Variants in ZNF611 observed in about 807,000 individuals in gnomAD.
The protein encoded by ZNF611 is zinc finger protein 611.
A neutral mutation model predicts 8.9 loss-of-function variants in ZNF611; 6 were observed. That is an observed-to-expected ratio of 0.68 (90% CI 0.37 to 1.34). The LOEUF (loss-of-function observed/expected upper bound fraction) is 1.34. Ranked by LOEUF, ZNF611 falls within the 40% of genes most tolerant of loss-of-function variation. The probability of loss-of-function intolerance (pLI) is 0.02; values close to 1 mark genes in which losing one functional copy is unlikely to be tolerated. For synonymous variants in ZNF611, 262 were observed against 279.7 expected (o/e 0.94, Z 0.63); for missense variants, 874 against 841.3 (o/e 1.04, Z -0.48).
chr19:52,711,832 G>A (rs959532177), intron 5 of ZNF611, among the ~76,000 whole-genome samples: 3 of 152,050 alleles, frequency 2.0e-5, no homozygotes, highest in Admixed American at 2.0e-4. Context: ...TCAATAGGCT[G>A]GTATTTGCAT....
At chr19:52,716,692 A>G (rs2062319619) in intron 3 of ZNF611, among the ~76,000 whole-genome samples, 1 of 152,202 alleles carries the variant, frequency 6.6e-6, no homozygotes, top group African/African-American at 2.4e-5. Context: ...CTCCCCTTCT[A>G]TTCAAAGTCA....
Position 52,703,038 on chromosome 19 carries a change from A to C in ZNF611, c.*1899T>G, listed in dbSNP as rs1042896584. On this transcript the variant is annotated 3_prime_UTR_variant, in exon 6 of 6. Coordinates refer to ENST00000652185, the MANE Select transcript of ZNF611 (RefSeq NM_001161499.2). ...GAATTCTGGGGTCAACCGGAAAATA[A>C]CTGGAAAATATACAAGTACAGAAAC... 2.7e-5 allele frequency: 4 copies of C among 149,250 alleles called. No individual in the cohort carries two copies. The highest frequency in any genetic ancestry group is 1.0e-4 in the African/African-American group (4 of 40,130). The allele number at this position is 149,250 out of a possible 1,614,324, so 9.2% of individuals were successfully genotyped here.
intron 1 of ZNF611, among the ~76,000 whole-genome samples, chr19:52,733,932 T>C (rs1433837681): frequency 7.0e-6 from 1 of 142,910 alleles, no homozygotes; most frequent in Non-Finnish European, 1.5e-5. Context: ...TTCCCCGATA[T>C]ACTCCCTTGT....
At chr19:52,717,292 C>T (rs2062323802) in intron 3 of ZNF611, among the ~76,000 whole-genome samples, 1 of 152,134 alleles carries the variant, frequency 6.6e-6, no homozygotes, top group Non-Finnish European at 1.5e-5. Context: ...TCTGGTTTTA[C>T]AGTGGCAATG....
intron 3 of ZNF611, among the ~76,000 whole-genome samples, chr19:52,725,777 A>G (rs570978803): frequency 4.6e-5 from 7 of 152,260 alleles, no homozygotes; most frequent in Non-Finnish European, 8.8e-5. Context: ...GCTGCGCAGG[A>G]CAGAAGCCAG....
In ZNF611 at chr19:52,719,792, A is replaced by G. The variant is rs567286257; in HGVS notation, c.-19-3879T>C. Among the ~76,000 whole-genome samples the G allele has an allele frequency of 2.0e-3, 297 of 151,828 alleles. 4 individuals are homozygous for G. The highest frequency in any genetic ancestry group is 6.9e-3 in the African/African-American group (284 of 41,334). On this transcript the variant is annotated intron_variant, in intron 3 of 5. Coordinates refer to ENST00000652185, the MANE Select transcript of ZNF611 (RefSeq NM_001161499.2). ...TTGTTTTGTTTTTTAGTATTTATTG[A>G]TCATTCTTGGGTGTTTCTCAGAGAG...
At position 52,706,094 on chromosome 19, in the gene ZNF611, C is replaced by A; in HGVS notation, c.961G>T (p.Gly321Cys). The change falls in exon 6 of 6, where the codon GGC (glycine) becomes TGC (cysteine). Residue 321 changes from glycine (G) to cysteine (C), a missense_variant. Transcript: ENST00000652185. ...GVKRYNCNEC[G>C]KIFGQNSALL... ...GCTGAATTTTGACCAAAGATCTTGC[C>A]ACACTCATTACAATTGTAACGTTTT... 6.2e-7 allele frequency: 1 copy of A among 1,614,044 alleles called. No individual in the cohort carries two copies. The highest frequency in any genetic ancestry group is 8.5e-7 in the Non-Finnish European group (1 of 1,179,980).
At position 52,720,687 on chromosome 19, in the gene ZNF611, G is replaced by GATGGCGCGGCCGGGCAGAGGCA. The variant is rs1313461928; in HGVS notation, c.-19-4775_-19-4774insTGCCTCTGCCCGGCCGCGCCAT. Reference sequence around the variant, plus strand: ...GACGGGGCGGCTGCTGGGCAGAGGCGCTCCCCACCTCCCAGATGGCGTGGC... The same window carrying GATGGCGCGGCCGGGCAGAGGCA: ...GACGGGGCGGCTGCTGGGCAGAGGCGATGGCGCGGCCGGGCAGAGGCACTCCCCACCTCCCAGATGGCGTGGC... On this transcript the variant is annotated intron_variant, in intron 3 of 5. Transcript: ENST00000652185. 3.3e-3 allele frequency among the ~76,000 whole-genome samples: 455 copies of GATGGCGCGGCCGGGCAGAGGCA among 138,336 alleles called. 8 individuals are homozygous for GATGGCGCGGCCGGGCAGAGGCA. Among genetic ancestry groups the GATGGCGCGGCCGGGCAGAGGCA allele is most frequent in the African/African-American group, 0.013 (421 of 32,482 alleles). The allele number at this position is 138,336 out of a possible 152,430, so 90.8% of individuals were successfully genotyped here. A position where few individuals can be genotyped will look rare whatever the true frequency, so the allele number is the denominator to read the frequency against.
intron 1 of ZNF611, among the ~76,000 whole-genome samples, chr19:52,734,382 G>A (rs1229256585): frequency 6.6e-6 from 1 of 152,054 alleles, no homozygotes; most frequent in African/African-American, 2.4e-5. Context: ...CCGGAGGAGC[G>A]CATTTTCCAC....
At chr19:52,728,656 CT>C (rs2062406803) in intron 3 of ZNF611, 73 bp downstream of exon 3, 1 of 152,188 alleles carries the variant, frequency 6.6e-6, no homozygotes, top group Non-Finnish European at 1.5e-5. Context: ...AAATCTCTTT[CT>C]TTATTTTCAA....
At chr19:52,730,053 A>C (rs1209452115) in intron 1 of ZNF611, 48 bp from the exon 2 acceptor site, 2 of 152,200 alleles carry the variant, frequency 1.3e-5, no homozygotes, top group East Asian at 3.8e-4. Context: ...ATCAACTGAG[A>C]TCACAGAAAA....
chr19:52,725,161 C>A (rs1165262497), intron 3 of ZNF611, among the ~76,000 whole-genome samples: 2 of 152,136 alleles, frequency 1.3e-5, no homozygotes, highest in Admixed American at 6.6e-5. Context: ...GGCAAGAACA[C>A]CCGGTGTCAT....
At chr19:52,710,568 T>A (rs984899876) in intron 5 of ZNF611, among the ~76,000 whole-genome samples, 1 of 152,104 alleles carries the variant, frequency 6.6e-6, no homozygotes, top group Non-Finnish European at 1.5e-5. Flanking sequence ...TTTCATTATG[T>A]TTGCCCGACT....
intron 5 of ZNF611, among the ~76,000 whole-genome samples, chr19:52,713,001 CT>C (rs1199114000): frequency 6.6e-6 from 1 of 152,142 alleles, no homozygotes; most frequent in Non-Finnish European, 1.5e-5. Flanking sequence ...CAAAATCAGC[CT>C]GGCCAACATG....
chr19:52,706,360 T>C lies in ZNF611; in HGVS notation c.695A>G (p.Gln232Arg). 6.2e-7 allele frequency: 1 copy of C among 1,614,202 alleles called. No individual in the cohort carries two copies. The highest frequency in any genetic ancestry group is 8.5e-7 in the Non-Finnish European group (1 of 1,180,042). ...AAAGGCTTTGCCACTCTTATTACAT[T>C]GGAAAGATTTTTCTCTCATGTGTAC... ...QEVHMREKSF[Q>R]CNKSGKAFNC... The change falls in exon 6 of 6, where the codon CAA becomes CGA. Residue 232 changes from glutamine (Q) to arginine (R), a missense_variant. Physicochemically the swap from Gln to Arg is conservative, Grantham distance 43 (BLOSUM62 1). Coordinates refer to ENST00000652185, the MANE Select transcript of ZNF611 (RefSeq NM_001161499.2).
At chr19:52,713,160 C>T (rs1309428144) in intron 5 of ZNF611, among the ~76,000 whole-genome samples, 1 of 152,134 alleles carries the variant, frequency 6.6e-6, no homozygotes, top group Non-Finnish European at 1.5e-5. Context: ...CATGCCACTG[C>T]ACTCAAGCCT....
intron 1 of ZNF611, among the ~76,000 whole-genome samples, chr19:52,730,339 C>T (rs1331389015): frequency 5.3e-4 from 71 of 134,612 alleles, no homozygotes; most frequent in Non-Finnish European, 4.6e-5. Context: ...TTGCAGTGAG[C>T]CGAGATTGCA....
chr19:52,733,195 G>A (rs1361593545), intron 1 of ZNF611, among the ~76,000 whole-genome samples: 1 of 152,104 alleles, frequency 6.6e-6, no homozygotes, highest in African/African-American at 2.4e-5. Flanking sequence ...TCTCATCTGT[G>A]TAATTTAAAC....
intron 3 of ZNF611, among the ~76,000 whole-genome samples, chr19:52,718,496 G>A (rs61260909): frequency 0.059 from 8,887 of 151,628 alleles, 833 homozygotes; most frequent in African/African-American, 0.2. Context: ...CAGTAAGAGT[G>A]TCTCAAAAAA....
Sources: allele counts gnomAD v4.1 joint callset (sites outside exome capture counted in the v4.1 genomes callset), GRCh38; gene constraint gnomAD v4.1.1; transcripts MANE v1.5; gene names NCBI Gene and HGNC (gene_info 2026-07-23, HGNC 2026-07-21).